RBPMS: variants seen among roughly 807,000 people sequenced by gnomAD.
RBPMS encodes RNA-binding protein with multiple splicing.
In RBPMS, 7 loss-of-function variants were observed where a neutral mutation model predicts 26.8. The observed-to-expected ratio is 0.26, with a 90% CI of 0.15 to 0.49. The LOEUF (loss-of-function observed/expected upper bound fraction) is 0.49, where lower values mean the gene tolerates loss of function less well. RBPMS is among the 20% of genes least tolerant of loss of function. The pLI is 0.98. For synonymous variants in RBPMS, 96 were observed against 93.3 expected, an observed-to-expected ratio of 1.03 and a Z score of -0.17; for missense variants, 186 against 250.0, an observed-to-expected ratio of 0.74 and a Z score of 1.73.
At chr8:30,502,099 A>C (rs1820615602) in intron 4 of RBPMS, among the ~76,000 whole-genome samples, 1 of 151,614 alleles carries the variant, frequency 6.6e-6, no homozygotes, top group Non-Finnish European at 1.5e-5. Flanking sequence ...CCGGCCTCTG[A>C]ATAAGCTGCC....
rs368070812 is a variant in RBPMS, at chr8:30,555,439, G to A, written c.529-3448G>A. On this transcript the variant is annotated intron_variant, in intron 6 of 8. Coordinates refer to ENST00000397323, the MANE Select transcript of RBPMS (RefSeq NM_001008710.3). ...TGAAGTGCTTAGCGCGGTCTCTGAC[G>A]CAGACTAAATGTCAGGGTCAGTTTG... Among the ~76,000 whole-genome samples the A allele has an allele frequency of 3.9e-4, 60 of 152,314 alleles. 2 individuals carry two copies. Among genetic ancestry groups the A allele is most frequent in the Middle Eastern group, 3.4e-3 (1 of 294 alleles).
intron 1 of RBPMS, among the ~76,000 whole-genome samples, chr8:30,427,589 A>G (rs1811496914): frequency 6.6e-6 from 1 of 152,098 alleles, no homozygotes; most frequent in South Asian, 2.1e-4. Context: ...TTCCATGGCA[A>G]TTTTTAAAGG....
chr8:30,448,161 G>C (rs930054919), intron 1 of RBPMS, among the ~76,000 whole-genome samples: 2 of 152,184 alleles, frequency 1.3e-5, no homozygotes, highest in South Asian at 2.1e-4. Context: ...AATAAATTAG[G>C]CTTGTTCTAA....
rs1403790247 is a variant in RBPMS, at chr8:30,445,631, T to C, written c.67-29148T>C. Among the ~76,000 whole-genome samples, 3 of 130,530 alleles carry C rather than the reference T, an allele frequency of 2.3e-5. No homozygotes were observed. The South Asian group carries it at 7.6e-4, about 33-fold the overall frequency. 85.6% of individuals were successfully genotyped at this position (130,530 alleles called of 152,430 possible). ...AGTCTATTACATGTATACACACACA[T>C]ATGTAGATATACACACGGATATATA... On this transcript the variant is annotated intron_variant, in intron 1 of 8. Coordinates refer to ENST00000397323, the MANE Select transcript of RBPMS (RefSeq NM_001008710.3).
rs79447502 is a variant in RBPMS, at chr8:30,426,646, G to A, written c.66+41488G>A. ...AAAAGTCAAGGGAGCGAGGAAGGGA[G>A]AGTTTACTTTCTCACTTTGCTTGCA... On this transcript the variant is annotated intron_variant, in intron 1 of 8. Coordinates refer to ENST00000397323, the MANE Select transcript of RBPMS (RefSeq NM_001008710.3). Among the ~76,000 whole-genome samples, 1,371 of 151,864 alleles carry A rather than the reference G, an allele frequency of 9.0e-3. 28 individuals are homozygous for A. The highest frequency in any genetic ancestry group is 0.03 in the African/African-American group (1,235 of 41,394).
At chr8:30,525,338 T>C (rs2150995626) in intron 5 of RBPMS, among the ~76,000 whole-genome samples, 2 of 152,318 alleles carry the variant, frequency 1.3e-5, no homozygotes, top group Middle Eastern at 6.8e-3. Context: ...AATCATATAA[T>C]CATTTTTCCA....
intron 5 of RBPMS, among the ~76,000 whole-genome samples, chr8:30,536,767 G>T: frequency 6.6e-6 from 1 of 151,748 alleles, no homozygotes; most frequent in African/African-American, 2.4e-5. Context: ...TTTCTCCTTT[G>T]TGGACCTCCT....
At chr8:30,430,731 A>G (rs1005870362) in intron 1 of RBPMS, among the ~76,000 whole-genome samples, 15 of 152,208 alleles carry the variant, frequency 9.9e-5, no homozygotes, top group African/African-American at 3.4e-4. Flanking sequence ...TACTAACACC[A>G]TATTTAGTGG....
At chr8:30,568,774 G>A (rs1445569860) in intron 8 of RBPMS, among the ~76,000 whole-genome samples, 1 of 152,180 alleles carries the variant, frequency 6.6e-6, no homozygotes, top group East Asian at 1.9e-4. Context: ...GACATTCCAA[G>A]GTTTGAACTC....
chr8:30,506,113 C>G (rs1242080623), intron 5 of RBPMS, among the ~76,000 whole-genome samples: 2 of 152,004 alleles, frequency 1.3e-5, no homozygotes, highest in Non-Finnish European at 2.9e-5. Flanking sequence ...AAGGTTGTAG[C>G]CAGATTACGA....
At position 30,385,149 on chromosome 8, in the gene RBPMS, G is replaced by C; in HGVS notation, c.57G>C (p.Gln19His). 6.6e-7 allele frequency: 1 copy of C among 1,519,784 alleles called. No individual in the cohort carries two copies. Among genetic ancestry groups the C allele is most frequent in the Non-Finnish European group, 8.8e-7 (1 of 1,134,376 alleles). The allele number at this position is 1,519,784 out of a possible 1,614,324, so 94.1% of individuals were successfully genotyped here. A position where few individuals can be genotyped will look rare whatever the true frequency, so the allele number is the denominator to read the frequency against. Reference sequence around the variant, plus strand: ...ACACCCCGAGCGAGGCCAACCTTCAGGAGGAGGAGGTACTGGGCGGCTCGG... The same window carrying C: ...ACACCCCGAGCGAGGCCAACCTTCACGAGGAGGAGGTACTGGGCGGCTCGG... ...KENTPSEANL[Q>H]EEEVRTLFVS... The change falls in exon 1 of 9, where the codon CAG (glutamine) becomes CAC (histidine). Residue 19 changes from glutamine (Q) to histidine (H), a missense_variant. By Grantham distance (24) the Gln-to-His change is conservative. This residue lies in a region of RBPMS where 38 missense variants were observed against 27.8 expected (regional missense o/e 1.37). Coordinates refer to ENST00000397323, the MANE Select transcript of RBPMS (RefSeq NM_001008710.3).
intron 6 of RBPMS, among the ~76,000 whole-genome samples, chr8:30,557,078 A>G (rs1469822852): frequency 2.0e-5 from 3 of 152,146 alleles, no homozygotes; most frequent in Admixed American, 1.3e-4. Context: ...GAGGACAGCA[A>G]CTTTGCCTTT....
chr8:30,526,641 C>T (rs1015168647), intron 5 of RBPMS, among the ~76,000 whole-genome samples: 1 of 152,182 alleles, frequency 6.6e-6, no homozygotes, highest in African/African-American at 2.4e-5. Flanking sequence ...AGATGAATTA[C>T]ATTCCAGTCA....
intron 1 of RBPMS, among the ~76,000 whole-genome samples, chr8:30,430,126 A>G (rs903447829): frequency 6.6e-6 from 1 of 152,098 alleles, no homozygotes; most frequent in Non-Finnish European, 1.5e-5. Context: ...AAATACAGAA[A>G]TTAGCTAGGC....
chr8:30,451,590 T>C (rs1160408446), intron 1 of RBPMS, among the ~76,000 whole-genome samples: 3 of 152,216 alleles, frequency 2.0e-5, no homozygotes, highest in Non-Finnish European at 4.4e-5. Flanking sequence ...TCAGGCTCTC[T>C]AGAAGTGTGA....
intron 5 of RBPMS, among the ~76,000 whole-genome samples, chr8:30,515,430 C>T (rs1263478359): frequency 1.3e-5 from 2 of 152,172 alleles, no homozygotes; most frequent in East Asian, 1.9e-4. Flanking sequence ...AATATTACTC[C>T]TTTGACCAGC....
intron 4 of RBPMS, among the ~76,000 whole-genome samples, chr8:30,496,400 C>A (rs1258552848): frequency 3.3e-5 from 5 of 152,098 alleles, no homozygotes; most frequent in Admixed American, 6.5e-5. Flanking sequence ...GATCTCCCAA[C>A]CTCGTGATCT....
chr8:30,504,384 C>G lies in RBPMS; in HGVS notation c.345C>G (p.Asn115Lys). The G allele has an allele frequency of 6.2e-7, 1 of 1,614,194 alleles. No individual in the cohort carries two copies. The highest frequency in any genetic ancestry group is 2.2e-5 in the East Asian group (1 of 44,888). Residue 115 changes from asparagine (N) to lysine (K), a missense_variant, in exon 5 of 9, where the codon AAC (asparagine) becomes AAG (lysine). By Grantham distance (94) the Asn-to-Lys change is moderately conservative (BLOSUM62 0). Transcript: ENST00000397323. ...AGAACAAACTCGTAGGGACTCCAAA[C>G]CCCAGTACTCCTCTGCCCAACACTG... is the stretch of plus-strand genomic sequence containing the variant. ...MAKNKLVGTPNPSTPLPNTVP... is the reference protein window; with the variant it reads ...MAKNKLVGTPKPSTPLPNTVP...
chr8:30,391,576 G>T (rs1327884185), intron 1 of RBPMS, among the ~76,000 whole-genome samples: 4 of 152,222 alleles, frequency 2.6e-5, no homozygotes, highest in Non-Finnish European at 5.9e-5. Flanking sequence ...TAAAATGGAT[G>T]CTATGTTGGT....
Sources: gnomAD v4.1 joint callset for allele counts (sites outside exome capture counted in the v4.1 genomes callset) on GRCh38, gnomAD v4.1.1 for gene constraint, gnomAD v4.1.1 regional missense constraint, MANE v1.5 for transcripts, NCBI Gene and HGNC (gene_info 2026-07-23, HGNC 2026-07-21) for gene names.